Variants in CEP112 observed in about 807,000 individuals in gnomAD.
The protein encoded by CEP112 is centrosomal protein 112.
In CEP112, 127 loss-of-function variants were observed where a neutral mutation model predicts 153.0. That is an observed-to-expected ratio of 0.83 (90% CI 0.72 to 0.96). The LOEUF is 0.96. CEP112 is among the 40% of genes least tolerant of loss of function. The pLI is 0.00. For missense variants in CEP112, 1,089 were observed against 1,101.2 expected (o/e 0.99, Z 0.16); for synonymous variants, 358 against 374.4 (o/e 0.96, Z 0.51).
chr17:66,027,663 C>T (rs11079629), intron 15 of CEP112, 103 bp from the exon 16 acceptor site: 815,792 of 864,906 alleles, frequency 0.94, 385,345 homozygotes, highest in East Asian at 0.98. Context: ...TGTCAAACTT[C>T]AGTTCAGAGT....
chr17:66,128,302 C>CCA (rs2069951302), intron 6 of CEP112, among the ~76,000 whole-genome samples: 1 of 73,556 alleles, frequency 1.4e-5, no homozygotes, highest in Admixed American at 1.9e-4. Context: ...GATTCTGTCT[C>CCA]AAAAAAAAAA....
intron 25 of CEP112, among the ~76,000 whole-genome samples, chr17:65,637,903 C>T (rs897840892): frequency 4.6e-5 from 7 of 152,192 alleles, no homozygotes; most frequent in African/African-American, 7.2e-5. Flanking sequence ...TCAATCCATT[C>T]TAGGGATTCC....
intron 6 of CEP112, among the ~76,000 whole-genome samples, chr17:66,109,369 T>C (rs1237792410): frequency 2.0e-5 from 3 of 152,144 alleles, no homozygotes; most frequent in Non-Finnish European, 2.9e-5. Context: ...GTTATCAAAA[T>C]ATCTCATTTA....
intron 17 of CEP112, among the ~76,000 whole-genome samples, chr17:65,975,897 G>A (rs62064321): frequency 0.016 from 2,449 of 152,276 alleles, 26 homozygotes; most frequent in Non-Finnish European, 0.025. Flanking sequence ...CATACCTATC[G>A]TAATTTTTTC....
chr17:66,041,232 A>T (rs566702499), intron 12 of CEP112, among the ~76,000 whole-genome samples: 4 of 143,436 alleles, frequency 2.8e-5, no homozygotes, highest in Non-Finnish European at 4.6e-5. Context: ...GAAACAAAAA[A>T]TATAGCCATC....
intron 13 of CEP112, 61 bp from the exon 14 acceptor site, chr17:66,029,313 T>A (rs1598160149): frequency 2.7e-6 from 3 of 1,118,072 alleles, no homozygotes; most frequent in African/African-American, 3.2e-5. Flanking sequence ...TAAAATGAAA[T>A]TTTTTAATCA....
chr17:66,087,811 T>C (rs1263685869), intron 8 of CEP112, among the ~76,000 whole-genome samples: 3 of 151,742 alleles, frequency 2.0e-5, no homozygotes, highest in South Asian at 2.1e-4. Context: ...CAGTAAAGCG[T>C]GGAGAGACCC....
chr17:65,900,501 GACACGACTCAT>G (rs1321235808), intron 20 of CEP112, among the ~76,000 whole-genome samples: 3 of 152,074 alleles, frequency 2.0e-5, no homozygotes, highest in African/African-American at 7.2e-5. Flanking sequence ...CTATATGGCA[GACACGACTCAT>G]GCAAAATCAC....
At chr17:66,187,595 A>C (rs73992267) in intron 1 of CEP112, among the ~76,000 whole-genome samples, 1 of 151,954 alleles carries the variant, frequency 6.6e-6, no homozygotes, top group Non-Finnish European at 1.5e-5. Flanking sequence ...TCGGTCTCTC[A>C]ATGGCTCTGG....
chr17:65,823,942 T>A (rs1327007000), intron 21 of CEP112, among the ~76,000 whole-genome samples: 1 of 152,184 alleles, frequency 6.6e-6, no homozygotes, highest in African/African-American at 2.4e-5. Context: ...ATAACATTAT[T>A]AACTCCACAA....
intron 16 of CEP112, among the ~76,000 whole-genome samples, chr17:66,020,295 G>A (rs549499144): frequency 6.6e-6 from 1 of 152,106 alleles, no homozygotes; most frequent in Non-Finnish European, 1.5e-5. Flanking sequence ...TTAACATTTT[G>A]TATTGAGCTG....
chr17:65,801,488 T>C (rs2055273284), intron 21 of CEP112, among the ~76,000 whole-genome samples: 1 of 152,232 alleles, frequency 6.6e-6, no homozygotes, highest in Admixed American at 6.5e-5. Flanking sequence ...TATTGTCTTA[T>C]CCAAGGTCAT....
intron 16 of CEP112, among the ~76,000 whole-genome samples, chr17:66,018,921 G>A: frequency 6.6e-6 from 1 of 152,156 alleles, no homozygotes; most frequent in East Asian, 1.9e-4. Context: ...CAAGCAATAG[G>A]TTATCTGTAG....
rs149720254 is a variant in CEP112 at position 65,939,994 on chromosome 17, T to C, written c.1873-12305A>G. Among the ~76,000 whole-genome samples, 129 of 152,206 alleles carry C rather than the reference T, an allele frequency of 8.5e-4. 1 individual carries two copies. The highest frequency in any genetic ancestry group is 3.0e-3 in the African/African-American group (123 of 41,554). On this transcript the variant is annotated intron_variant, in intron 18 of 26. Coordinates refer to ENST00000535342, the MANE Select transcript of CEP112 (RefSeq NM_001199165.4). ...AAATATCTGCAAACCATACATATTATAAGGGATTGATATTCAAAATATATA... is the reference window on the plus strand; with the variant it reads ...AAATATCTGCAAACCATACATATTACAAGGGATTGATATTCAAAATATATA...
intron 17 of CEP112, among the ~76,000 whole-genome samples, chr17:65,974,832 C>A (rs982702235): frequency 5.3e-5 from 8 of 152,030 alleles, no homozygotes; most frequent in Non-Finnish European, 1.0e-4. Context: ...GATCATATAT[C>A]CACAGAAGTG....
intron 24 of CEP112, among the ~76,000 whole-genome samples, chr17:65,669,256 C>T (rs1011754808): frequency 4.6e-5 from 7 of 152,104 alleles, no homozygotes; most frequent in South Asian, 2.1e-4. Context: ...GTTATGACAT[C>T]GAGCCCCAAA....
At chr17:65,977,814 C>T (rs2063092178) in intron 17 of CEP112, among the ~76,000 whole-genome samples, 1 of 152,192 alleles carries the variant, frequency 6.6e-6, no homozygotes, top group Non-Finnish European at 1.5e-5. Flanking sequence ...GTGGCTCACA[C>T]CTGTAATCCC....
At position 65,937,596 on chromosome 17, in the gene CEP112, C is replaced by A. The variant is rs1363786661; in HGVS notation, c.1873-9907G>T. On this transcript the variant is annotated intron_variant, in intron 18 of 26. Coordinates refer to ENST00000535342, the MANE Select transcript of CEP112 (RefSeq NM_001199165.4). ...GGGGTCAGCCCCCCACCCGGCCAGC[C>A]GCCCCGTCCGGGAGGGAGGTGGGGG... is the stretch of plus-strand genomic sequence containing the variant. Among the ~76,000 whole-genome samples, 6 of 99,274 alleles carry A rather than the reference C, an allele frequency of 6.0e-5. 1 individual carries two copies. Among genetic ancestry groups the A allele is most frequent in the African/African-American group, 1.8e-4 (5 of 27,676 alleles). The allele number at this position is 99,274 out of a possible 152,430, so 65.1% of individuals were successfully genotyped here. A position where few individuals can be genotyped will look rare whatever the true frequency, so the allele number is the denominator to read the frequency against.
chr17:65,698,612 C>T (rs753773228), intron 23 of CEP112, among the ~76,000 whole-genome samples: 2 of 152,106 alleles, frequency 1.3e-5, no homozygotes, highest in Admixed American at 6.6e-5. Context: ...TGACATTACC[C>T]GCAGCTCCTC....
Sources: allele counts gnomAD v4.1 joint callset (sites outside exome capture counted in the v4.1 genomes callset), GRCh38; gene constraint gnomAD v4.1.1; transcripts MANE v1.5; gene names NCBI Gene and HGNC (gene_info 2026-07-23, HGNC 2026-07-21).